The following PCNT variants were observed in gnomAD, a reference collection of about 807,000 sequenced individuals.
The protein encoded by PCNT is pericentrin.
PCNT carries 319 observed loss-of-function variants against 380.4 expected under a neutral mutation model. The observed-to-expected ratio is 0.84, with a 90% CI of 0.77 to 0.92. The LOEUF (loss-of-function observed/expected upper bound fraction) is 0.92, where lower values mean the gene tolerates loss of function less well. Among genes scored for constraint, PCNT ranks in the 40% least tolerant of loss-of-function variants. The probability of loss-of-function intolerance (pLI) is 0.00; values close to 1 mark genes in which losing one functional copy is unlikely to be tolerated. For synonymous variants in PCNT, 1,845 were observed against 1,735.2 expected (o/e 1.06, Z -1.57); for missense variants, 4,400 against 4,255.3 (o/e 1.03, Z -0.95).
chr21:46,395,753 C>G (rs144190820), intron 21 of PCNT, among the ~76,000 whole-genome samples: 1 of 151,118 alleles, frequency 6.6e-6, no homozygotes. Context: ...CACTCCATCT[C>G]AGAAATAATA....
intron 3 of PCNT, among the ~76,000 whole-genome samples, chr21:46,342,891 G>C (rs186333136): frequency 1.3e-5 from 2 of 152,274 alleles, no homozygotes; most frequent in Admixed American, 1.3e-4. Context: ...TCCTTGGTTA[G>C]GAATATTCCT....
At chr21:46,351,978 G>T (rs953492764) in intron 9 of PCNT, among the ~76,000 whole-genome samples, 1 of 152,246 alleles carries the variant, frequency 6.6e-6, no homozygotes, top group Non-Finnish European at 1.5e-5. Flanking sequence ...GCTGAAGGCA[G>T]CTCTGCTCCA....
chr21:46,341,941 TA>T (rs2083920832), intron 3 of PCNT, among the ~76,000 whole-genome samples: 1 of 76,188 alleles, frequency 1.3e-5, no homozygotes, highest in African/African-American at 6.1e-5. Context: ...ACATGCTTTT[TA>T]CTTATTTTTT....
chr21:46,399,332 T>G lies in PCNT; in HGVS notation c.4585-258T>G, dbSNP rs867703339. Among the ~76,000 whole-genome samples the G allele has an allele frequency of 3.6e-4, 49 of 134,748 alleles. No individual in the cohort carries two copies. The Middle Eastern group carries it at 0.011, about 30-fold the overall frequency. 88.4% of individuals were successfully genotyped at this position (134,748 alleles called of 152,430 possible). A position where few individuals can be genotyped will look rare whatever the true frequency, so the allele number is the denominator to read the frequency against. ...TTCAGCCTGTGGGTCTAGGTCTCCC[T>G]GTGCAGCCTGTGGGTCTAGGTCTCT... On this transcript the variant is annotated intron_variant, in intron 24 of 46. Coordinates refer to ENST00000359568, the MANE Select transcript of PCNT (RefSeq NM_006031.6).
intron 33 of PCNT, among the ~76,000 whole-genome samples, chr21:46,426,839 G>A (rs1302633174): frequency 1.3e-5 from 2 of 152,174 alleles, no homozygotes; most frequent in Non-Finnish European, 2.9e-5. Flanking sequence ...ACCCTGTCCT[G>A]CCCCTGTGCC....
intron 18 of PCNT, 131 bp from the exon 19 acceptor site, chr21:46,389,068 T>C: frequency 7.9e-7 from 1 of 1,262,232 alleles, no homozygotes; most frequent in African/African-American, 1.5e-5. Context: ...TCAGCTCCCG[T>C]GGACGTGGCG....
chr21:46,378,797 T>A (rs2085412594), intron 15 of PCNT, among the ~76,000 whole-genome samples: 1 of 152,246 alleles, frequency 6.6e-6, no homozygotes, highest in Non-Finnish European at 1.5e-5. Context: ...TTTAAAAGTT[T>A]ACAAAACCAT....
intron 27 of PCNT, among the ~76,000 whole-genome samples, chr21:46,403,725 G>A (rs1178978676): frequency 7.1e-6 from 1 of 140,770 alleles, no homozygotes; most frequent in African/African-American, 2.7e-5. Context: ...ACACAGCGTG[G>A]GAGAATAGTG....
chr21:46,364,089 C>G (rs1277307791), intron 14 of PCNT, among the ~76,000 whole-genome samples, 155 bp downstream of exon 14: 3 of 152,252 alleles, frequency 2.0e-5, no homozygotes, highest in Non-Finnish European at 4.4e-5. Flanking sequence ...AGGTTTTCAG[C>G]CTAATTGCAG....
Position 46,412,075 on chromosome 21 carries a change from C to T in PCNT, c.5994+8C>T. 1.2e-6 allele frequency: 2 copies of T among 1,604,430 alleles called. No individual in the cohort carries two copies. The highest frequency in any genetic ancestry group is 2.2e-5 in the East Asian group (1 of 44,818). On this transcript the variant is annotated splice_region_variant and intron_variant, in intron 28 of 46. Coordinates refer to ENST00000359568, the MANE Select transcript of PCNT (RefSeq NM_006031.6). ...GTTGTCCCTGACCCACAGGTGGGCT[C>T]CCCCCGCGGGCCATGGCAGGGTATT...
intron 31 of PCNT, among the ~76,000 whole-genome samples, chr21:46,419,563 G>T (rs911858504): frequency 7.9e-5 from 12 of 152,194 alleles, no homozygotes; most frequent in African/African-American, 2.4e-4. Flanking sequence ...CAGCAGAGCC[G>T]CTGGGAGCGT....
chr21:46,413,768 T>C (rs2086898169), intron 29 of PCNT, among the ~76,000 whole-genome samples: 1 of 152,124 alleles, frequency 6.6e-6, no homozygotes. Context: ...CTCCATATTG[T>C]CACTTGAAAA....
At chr21:46,331,133 T>C (rs2083546676) in intron 2 of PCNT, among the ~76,000 whole-genome samples, 1 of 152,142 alleles carries the variant, frequency 6.6e-6, no homozygotes, top group Non-Finnish European at 1.5e-5. Flanking sequence ...AACTGTTAGG[T>C]AAATACTGAT....
At position 46,402,468 on chromosome 21, in the gene PCNT, G is replaced by C. The variant is rs2086460018; in HGVS notation, c.5100G>C (p.Glu1700Asp). ...TCAGCCTCAGAGAACTTGAGGAAGA[G>C]AACACGAGCTTGAAGGTAAGCTACC... is the stretch of plus-strand genomic sequence containing the variant. ...TAVSLRELEE[E>D]NTSLKVIYTR... Residue 1700 changes from glutamate to aspartate, a missense_variant, in exon 27 of 47, where the codon GAG becomes GAC. Transcript: ENST00000359568. 9 of 1,614,082 alleles carry C rather than the reference G, an allele frequency of 5.6e-6. No homozygotes were observed. The highest frequency in any genetic ancestry group is 7.6e-6 in the Non-Finnish European group (9 of 1,179,980).
chr21:46,370,019 G>C (rs2085061887), intron 15 of PCNT, among the ~76,000 whole-genome samples: 2 of 152,212 alleles, frequency 1.3e-5, no homozygotes, highest in Admixed American at 1.3e-4. Context: ...CTGTGCAGGT[G>C]AGCAGCTCCA....
chr21:46,409,669 G>A (rs1960233001), intron 27 of PCNT, among the ~76,000 whole-genome samples: 1 of 152,194 alleles, frequency 6.6e-6, no homozygotes, highest in Non-Finnish European at 1.5e-5. Flanking sequence ...GCGCAGTCTC[G>A]GCTTACCGCA....
intron 13 of PCNT, 142 bp downstream of exon 13, chr21:46,357,333 C>T: frequency 1.4e-6 from 1 of 718,644 alleles, no homozygotes; most frequent in Non-Finnish European, 2.5e-6. Context: ...GGCGACAGTC[C>T]CGTAAATTCT....
intron 39 of PCNT, among the ~76,000 whole-genome samples, chr21:46,436,554 G>T (rs1601203715): frequency 6.8e-6 from 1 of 147,664 alleles, no homozygotes; most frequent in Admixed American, 7.0e-5. Context: ...TATTTCATAT[G>T]GGCAGAAAGG....
Position 46,335,667 on chromosome 21 carries a change from T to A in PCNT, c.639+899T>A, listed in dbSNP as rs534960508. On this transcript the variant is annotated intron_variant, in intron 3 of 46. Transcript: ENST00000359568. ...CAGTTCACACTGCTTTAGGCAAGTT[T>A]GGTTGTTTTTTGGTTTTTGGGGTTT... is the stretch of plus-strand genomic sequence containing the variant. Among the ~76,000 whole-genome samples the A allele has an allele frequency of 1.2e-3, 181 of 151,528 alleles. 1 individual carries two copies. Among genetic ancestry groups the A allele is most frequent in the Non-Finnish European group, 2.3e-3 (154 of 67,866 alleles).
Sources: allele counts gnomAD v4.1 joint callset (sites outside exome capture counted in the v4.1 genomes callset), GRCh38; gene constraint gnomAD v4.1.1; transcripts MANE v1.5; gene names NCBI Gene and HGNC (gene_info 2026-07-23, HGNC 2026-07-21).